HECW1: variants seen among roughly 807,000 people sequenced by gnomAD.
HECW1 encodes HECT, C2 and WW domain containing E3 ubiquitin protein ligase 1.
Under a neutral mutation model 182.3 loss-of-function variants are expected in HECW1, and 61 were observed. That is an observed-to-expected ratio of 0.33 (90% CI 0.27 to 0.41). The LOEUF is 0.41. Ranked by LOEUF, HECW1 falls within the 10% of genes least tolerant of loss-of-function variation. HECW1 has a pLI of 1.00. For missense variants in HECW1, 1,739 were observed against 2,108.9 expected, an observed-to-expected ratio of 0.82 and a Z score of 3.44; for synonymous variants, 859 against 832.6, an observed-to-expected ratio of 1.03 and a Z score of -0.55.
At chr7:43,241,891 G>A (rs1007817949) in intron 2 of HECW1, among the ~76,000 whole-genome samples, 1 of 152,132 alleles carries the variant, frequency 6.6e-6, no homozygotes, top group Admixed American at 6.5e-5. Flanking sequence ...GGGGGAAGGG[G>A]AAGCACAGGG....
At position 43,445,454 on chromosome 7, in the gene HECW1, A is replaced by T; in HGVS notation, c.2282A>T (p.Glu761Val). Residue 761 changes from glutamate (E) to valine (V), a missense_variant, in exon 11 of 30, where the codon GAG becomes GTG. Transcript: ENST00000395891. ...ATGCAGAGCCCTGAGCTGGACCCGG[A>T]GTCCACGAACGGCGCTGGGCCGTGG... is the stretch of plus-strand genomic sequence containing the variant. ...DSMQSPELDP[E>V]STNGAGPWQD... The T allele has an allele frequency of 6.2e-7, 1 of 1,613,086 alleles. No individual in the cohort carries two copies. Among genetic ancestry groups the T allele is most frequent in the Admixed American group, 1.7e-5 (1 of 60,032 alleles).
At chr7:43,339,248 G>A (rs952393403) in intron 5 of HECW1, among the ~76,000 whole-genome samples, 4 of 152,126 alleles carry the variant, frequency 2.6e-5, no homozygotes, top group Admixed American at 1.3e-4. Flanking sequence ...TACATACGGT[G>A]GATCATTCCA....
At position 43,503,827 on chromosome 7, in the gene HECW1, G is replaced by A. The variant is rs373980042; in HGVS notation, c.3631+2505G>A. Among the ~76,000 whole-genome samples, 4 of 152,346 alleles carry A rather than the reference G, an allele frequency of 2.6e-5. No individual in the cohort carries two copies. In the East Asian group the frequency reaches 5.8e-4, roughly 22 times the overall value. On this transcript the variant is annotated intron_variant, in intron 21 of 29. Transcript: ENST00000395891. ...ATGGGGACAGGTGATAGTACCAGCG[G>A]TAGTGAAAATCATAATTAATAAAAT...
At chr7:43,288,475 G>C (rs1804955675) in intron 3 of HECW1, among the ~76,000 whole-genome samples, 1 of 152,142 alleles carries the variant, frequency 6.6e-6, no homozygotes, top group African/African-American at 2.4e-5. Context: ...ACTGTGTTTG[G>C]TAAATACAGT....
intron 3 of HECW1, among the ~76,000 whole-genome samples, chr7:43,297,631 C>T (rs1328817600): frequency 6.6e-6 from 1 of 152,146 alleles, no homozygotes; most frequent in African/African-American, 2.4e-5. Flanking sequence ...AATTACTGCC[C>T]AGATTTTGAT....
At chr7:43,359,339 T>C (rs1440124345) in intron 5 of HECW1, among the ~76,000 whole-genome samples, 1 of 152,188 alleles carries the variant, frequency 6.6e-6, no homozygotes, top group Non-Finnish European at 1.5e-5. Context: ...GATTCTGTTA[T>C]TAAGGAGGAA....
intron 6 of HECW1, among the ~76,000 whole-genome samples, chr7:43,379,313 C>T (rs939070286): frequency 1.3e-5 from 2 of 152,164 alleles, no homozygotes; most frequent in Non-Finnish European, 2.9e-5. Flanking sequence ...GAAATGAAGG[C>T]AATCAGAACA....
intron 6 of HECW1, among the ~76,000 whole-genome samples, chr7:43,391,723 A>G (rs774784590): frequency 1.3e-5 from 2 of 152,234 alleles, no homozygotes; most frequent in Non-Finnish European, 2.9e-5. Flanking sequence ...AACAGCAAGC[A>G]GTTAGAATGA....
At chr7:43,224,768 T>C (rs551796802) in intron 2 of HECW1, among the ~76,000 whole-genome samples, 29 of 152,184 alleles carry the variant, frequency 1.9e-4, no homozygotes, top group Non-Finnish European at 4.0e-4. Flanking sequence ...TGAGCCGTGA[T>C]TGCACCACTG....
intron 3 of HECW1, among the ~76,000 whole-genome samples, chr7:43,272,762 G>C (rs754865111): frequency 2.6e-5 from 4 of 152,176 alleles, no homozygotes; most frequent in Non-Finnish European, 5.9e-5. Context: ...GCAGTTTGGA[G>C]ATTTCCAAAA....
At chr7:43,176,693 G>A (rs1243072955) in intron 2 of HECW1, among the ~76,000 whole-genome samples, 1 of 152,166 alleles carries the variant, frequency 6.6e-6, no homozygotes, top group Non-Finnish European at 1.5e-5. Context: ...ATGCATGAGG[G>A]CAGAGTCCTC....
intron 11 of HECW1, among the ~76,000 whole-genome samples, chr7:43,449,531 C>CT (rs1407771326): frequency 6.6e-6 from 1 of 152,328 alleles, no homozygotes; most frequent in East Asian, 1.9e-4. Context: ...TATTTTTGAT[C>CT]AGTTCCGTAG....
chr7:43,556,762 G>A (rs764538194), intron 29 of HECW1, among the ~76,000 whole-genome samples: 5 of 151,870 alleles, frequency 3.3e-5, no homozygotes, highest in Non-Finnish European at 5.9e-5. Flanking sequence ...TAGGAAATGA[G>A]AGTCATTGCT....
chr7:43,299,816 T>C (rs1806504819), intron 3 of HECW1, among the ~76,000 whole-genome samples: 1 of 152,266 alleles, frequency 6.6e-6, no homozygotes, highest in Non-Finnish European at 1.5e-5. Flanking sequence ...ATTTCTCCTT[T>C]GCTGTCAGAG....
chr7:43,531,570 T>C (rs1204631447), intron 24 of HECW1, among the ~76,000 whole-genome samples: 1 of 152,186 alleles, frequency 6.6e-6, no homozygotes, highest in African/African-American at 2.4e-5. Flanking sequence ...ACTGCTCCCC[T>C]TTAGAGGTGC....
intron 13 of HECW1, among the ~76,000 whole-genome samples, chr7:43,457,042 AT>A (rs1408224644): frequency 2.0e-5 from 3 of 152,198 alleles, no homozygotes; most frequent in Non-Finnish European, 4.4e-5. Context: ...GTTTACAAGC[AT>A]TTTTTGAGAA....
rs1304933171 is a variant in HECW1, at chr7:43,212,513, C to T, written c.-31-31362C>T. On this transcript the variant is annotated intron_variant, in intron 2 of 29. Coordinates refer to ENST00000395891, the MANE Select transcript of HECW1 (RefSeq NM_015052.5). ...GTATTTATACATGAGACTCATTTAA[C>T]TGTTCCTCAAAACCAAATCATATGC... 2.0e-5 allele frequency among the ~76,000 whole-genome samples: 3 copies of T among 152,200 alleles called. No homozygotes were observed. In the East Asian group the frequency reaches 5.8e-4, roughly 29 times the overall value.
At chr7:43,181,941 C>G (rs578108890) in intron 2 of HECW1, among the ~76,000 whole-genome samples, 5 of 150,888 alleles carry the variant, frequency 3.3e-5, no homozygotes, top group African/African-American at 1.2e-4. Context: ...GTGCCCACCA[C>G]GCCCGGCTAA....
chr7:43,545,438 T>C (rs1260413906), intron 26 of HECW1, among the ~76,000 whole-genome samples: 1 of 152,146 alleles, frequency 6.6e-6, no homozygotes, highest in Non-Finnish European at 1.5e-5. Flanking sequence ...GTGCTAAAAA[T>C]AAGAATGTGT....
Sources: allele counts gnomAD v4.1 joint callset (sites outside exome capture counted in the v4.1 genomes callset), GRCh38; gene constraint gnomAD v4.1.1; transcripts MANE v1.5; gene names NCBI Gene and HGNC (gene_info 2026-07-23, HGNC 2026-07-21).